The following NRXN3 variants were observed in gnomAD, a reference collection of about 807,000 sequenced individuals.
NRXN3 encodes the protein neurexin III.
NRXN3 carries 32 observed loss-of-function variants against 137.6 expected under a neutral mutation model. The observed-to-expected ratio is 0.23, with a 90% CI of 0.18 to 0.31. The LOEUF is 0.31. Among genes scored for constraint, NRXN3 ranks in the 10% least tolerant of loss-of-function variants. The probability of loss-of-function intolerance (pLI) is 1.00; values close to 1 mark genes in which losing one functional copy is unlikely to be tolerated. For synonymous variants in NRXN3, 798 were observed against 784.5 expected (o/e 1.02, Z -0.29); for missense variants, 1,574 against 2,062.5 (o/e 0.76, Z 4.59).
At chr14:79,343,199 A>C (rs2153368586) in intron 15 of NRXN3, among the ~76,000 whole-genome samples, 1 of 152,250 alleles carries the variant, frequency 6.6e-6, no homozygotes, top group African/African-American at 2.4e-5. Context: ...CATGACTCCT[A>C]AACCATAATT....
intron 16 of NRXN3, among the ~76,000 whole-genome samples, chr14:79,510,210 GGAA>G (rs1270311131): frequency 9.8e-5 from 15 of 152,322 alleles, no homozygotes; most frequent in African/African-American, 3.6e-4. Flanking sequence ...GGTTTCTTAA[GGAA>G]GAAGATCTAG....
At chr14:79,186,827 C>T (rs17108853) in intron 15 of NRXN3, among the ~76,000 whole-genome samples, 12,869 of 152,134 alleles carry the variant, frequency 0.085, 681 homozygotes, top group Non-Finnish European at 0.12. Context: ...GGCAAAGATA[C>T]GGGTCAAACA....
At chr14:79,817,270 C>G (rs1209643580) in intron 20 of NRXN3, among the ~76,000 whole-genome samples, 1 of 152,130 alleles carries the variant, frequency 6.6e-6, no homozygotes, top group Non-Finnish European at 1.5e-5. Context: ...CCAGGCTGGT[C>G]TTGAACTCCT....
intron 8 of NRXN3, among the ~76,000 whole-genome samples, chr14:78,772,419 C>G (rs1461470463): frequency 6.6e-6 from 1 of 152,152 alleles, no homozygotes; most frequent in African/African-American, 2.4e-5. Flanking sequence ...CCTCCTTGCA[C>G]TACTCACCAT....
chr14:79,259,488 A>G (rs1257213022), intron 15 of NRXN3, among the ~76,000 whole-genome samples: 1 of 150,988 alleles, frequency 6.6e-6, no homozygotes, highest in African/African-American at 2.4e-5. Flanking sequence ...TGGTTGTAGC[A>G]TCAATAGAAT....
At chr14:79,548,852 A>G (rs1176216375) in intron 16 of NRXN3, among the ~76,000 whole-genome samples, 1 of 152,202 alleles carries the variant, frequency 6.6e-6, no homozygotes, top group African/African-American at 2.4e-5. Flanking sequence ...AAAAATGCCA[A>G]TGTCGTGCTT....
At chr14:79,732,364 C>G (rs2098927081) in intron 19 of NRXN3, among the ~76,000 whole-genome samples, 1 of 151,992 alleles carries the variant, frequency 6.6e-6, no homozygotes, top group South Asian at 2.1e-4. Flanking sequence ...ATTTTAAGTT[C>G]TTGTGTGTGT....
intron 15 of NRXN3, among the ~76,000 whole-genome samples, chr14:79,057,423 C>A (rs946667497): frequency 6.6e-6 from 1 of 152,022 alleles, no homozygotes; most frequent in Non-Finnish European, 1.5e-5. Flanking sequence ...CCTTTTAATC[C>A]CTATAAATGT....
chr14:79,419,962 A>G (rs185428171), intron 15 of NRXN3, among the ~76,000 whole-genome samples: 22 of 152,342 alleles, frequency 1.4e-4, no homozygotes, highest in African/African-American at 2.4e-4. Context: ...GACAACTGTC[A>G]TCAATTATTT....
At chr14:79,213,704 C>T (rs1355710467) in intron 15 of NRXN3, among the ~76,000 whole-genome samples, 4 of 151,904 alleles carry the variant, frequency 2.6e-5, no homozygotes, top group East Asian at 3.9e-4. Context: ...TTTGCCTTTC[C>T]GGGCCTTGAT....
chr14:79,150,672 A>G (rs1416234286), intron 15 of NRXN3, among the ~76,000 whole-genome samples: 1 of 150,908 alleles, frequency 6.6e-6, no homozygotes, highest in Non-Finnish European at 1.5e-5. Flanking sequence ...AAGAGCTGCT[A>G]CTTCTCTGCA....
chr14:79,618,943 A>G (rs913554434), intron 16 of NRXN3, among the ~76,000 whole-genome samples: 1 of 151,788 alleles, frequency 6.6e-6, no homozygotes, highest in African/African-American at 2.4e-5. Flanking sequence ...TTTGGTTTGC[A>G]TTTCTCTAAC....
chr14:78,948,464 C>G (rs2099373947), intron 10 of NRXN3, among the ~76,000 whole-genome samples: 1 of 152,166 alleles, frequency 6.6e-6, no homozygotes, highest in African/African-American at 2.4e-5. Context: ...GGGGGACCAT[C>G]AAACTGTCTG....
chr14:79,169,724 A>G (rs1338508602), intron 15 of NRXN3, among the ~76,000 whole-genome samples: 3 of 152,158 alleles, frequency 2.0e-5, no homozygotes, highest in African/African-American at 7.2e-5. Context: ...AGGGGTAAAG[A>G]TAGAAAATGT....
chr14:78,352,528 A>G (rs2083680660), intron 4 of NRXN3, among the ~76,000 whole-genome samples: 1 of 152,116 alleles, frequency 6.6e-6, no homozygotes, highest in Non-Finnish European at 1.5e-5. Context: ...TGGTTGAAGA[A>G]ACCTGGTCTC....
intron 8 of NRXN3, among the ~76,000 whole-genome samples, chr14:78,763,996 G>T (rs2098700860): frequency 1.3e-5 from 2 of 152,206 alleles, no homozygotes; most frequent in Non-Finnish European, 2.9e-5. Flanking sequence ...GAGCATGTCA[G>T]TTCCTCAGGA....
chr14:79,103,277 C>T (rs556102314), intron 15 of NRXN3, among the ~76,000 whole-genome samples: 2 of 152,146 alleles, frequency 1.3e-5, no homozygotes, highest in Admixed American at 6.5e-5. Context: ...AAAGAGGAAT[C>T]CTGTTGGAAA....
At chr14:78,440,425 A>T (rs1460926749) in intron 4 of NRXN3, among the ~76,000 whole-genome samples, 1 of 145,958 alleles carries the variant, frequency 6.9e-6, no homozygotes, top group Non-Finnish European at 1.5e-5. Flanking sequence ...ATTTTTATAA[A>T]TACTCCCTTC....
intron 19 of NRXN3, among the ~76,000 whole-genome samples, chr14:79,751,396 G>A (rs2098997094): frequency 6.6e-6 from 1 of 150,802 alleles, no homozygotes; most frequent in African/African-American, 2.4e-5. Context: ...GTATAAGAAT[G>A]CTTGTGATTT....
Sources: gnomAD v4.1 joint callset for allele counts (sites outside exome capture counted in the v4.1 genomes callset) on GRCh38, gnomAD v4.1.1 for gene constraint, MANE v1.5 for transcripts, NCBI Gene and HGNC (gene_info 2026-07-23, HGNC 2026-07-21) for gene names.